KAT6A: variants seen among roughly 807,000 people sequenced by gnomAD.
KAT6A encodes lysine acetyltransferase 6A.
In KAT6A, 9 loss-of-function variants were observed where a neutral mutation model predicts 198.4. The observed-to-expected ratio is 0.05, with a 90% CI of 0.03 to 0.08. The LOEUF (loss-of-function observed/expected upper bound fraction) is 0.08. Ranked by LOEUF, KAT6A falls within the 10% of genes least tolerant of loss-of-function variation. The pLI is 1.00. For synonymous variants in KAT6A, 890 were observed against 883.0 expected (o/e 1.01, Z -0.14); for missense variants, 2,077 against 2,509.9 (o/e 0.83, Z 3.69).
chr8:42,005,070 C>T (rs1006251109), intron 2 of KAT6A, among the ~76,000 whole-genome samples: 2 of 152,094 alleles, frequency 1.3e-5, no homozygotes, highest in African/African-American at 2.4e-5. Flanking sequence ...TACTTCTCAT[C>T]GCCAGTAACA....
At position 41,974,516 on chromosome 8, in the gene KAT6A, A is replaced by G. The variant is rs10441603; in HGVS notation, c.1482+188T>C. On this transcript the variant is annotated intron_variant, in intron 8 of 16. Coordinates refer to ENST00000265713, the MANE Select transcript of KAT6A (RefSeq NM_006766.5). Reference sequence around the variant, plus strand: ...TAGTCAAAGCCATGTGCTTATCTGCAAAACCAAAGCAGTTATCATGGGTTT... The same window carrying G: ...TAGTCAAAGCCATGTGCTTATCTGCGAAACCAAAGCAGTTATCATGGGTTT... 5.8e-3 allele frequency: 2,435 copies of G among 421,424 alleles called. 44 individuals are homozygous for G. Among genetic ancestry groups the G allele is most frequent in the African/African-American group, 0.044 (2,142 of 49,184 alleles). 26.1% of individuals were successfully genotyped at this position (421,424 alleles called of 1,614,324 possible).
intron 9 of KAT6A, among the ~76,000 whole-genome samples, chr8:41,953,482 T>C (rs1336879252): frequency 2.0e-5 from 3 of 152,202 alleles, no homozygotes; most frequent in African/African-American, 7.2e-5. Context: ...ATTTATTTTC[T>C]TTTCTTTTGA....
chr8:41,997,164 G>A (rs1564053526), intron 2 of KAT6A, among the ~76,000 whole-genome samples: 1 of 152,064 alleles, frequency 6.6e-6, no homozygotes, highest in Non-Finnish European at 1.5e-5. Context: ...CACTTAAATA[G>A]TTAAAATGGT....
Position 41,933,676 on chromosome 8 carries a change from T to C in KAT6A, c.4544A>G (p.Glu1515Gly). ...AGAGGGTGCGGACAGGGATCCTTGT[T>C]CTGGGCTGATCTGGGTGTAGCCACT... ...LESGYTQISP[E>G]QGSLSAPSMQ... The change falls in exon 17 of 17, where the codon GAA becomes GGA. Residue 1515 changes from glutamate to glycine, a missense_variant. Physicochemically the swap from Glu to Gly is moderately conservative, Grantham distance 98. Transcript: ENST00000265713. This position sits in a 1 kb window ranked among gnomAD's most constrained non-coding sequence, Gnocchi z 6.2. 6.2e-7 allele frequency: 1 copy of C among 1,614,076 alleles called. No homozygotes were observed. Among genetic ancestry groups the C allele is most frequent in the Non-Finnish European group, 8.5e-7 (1 of 1,180,004 alleles).
intron 16 of KAT6A, among the ~76,000 whole-genome samples, chr8:41,935,157 G>A (rs1448221052): frequency 1.3e-5 from 2 of 152,192 alleles, no homozygotes; most frequent in Non-Finnish European, 2.9e-5. Context: ...CATGTCTGTG[G>A]GAAGTTACTC....
intron 14 of KAT6A, chr8:41,942,501 C>T (rs957911084): frequency 2.1e-5 from 8 of 384,894 alleles, no homozygotes; most frequent in South Asian, 7.2e-5. Context: ...TTCTCAACTA[C>T]TATCCAGCTT....
At position 41,933,508 on chromosome 8, in the gene KAT6A, G is replaced by C; in HGVS notation, c.4712C>G (p.Ser1571Cys). ...ENYENPSSYD[S>C]TMGGSICGNS... ...CCCACAGATGCTGCCGCCCATCGTG[G>C]AGTCGTAACTGCTTGGGTTCTCATA... Residue 1571 changes from serine to cysteine, a missense_variant, in exon 17 of 17, where the codon TCC (serine) becomes TGC (cysteine). By Grantham distance (112) the Ser-to-Cys change is moderately radical. Around this residue, in one of 13 missense-constraint regions of KAT6A, gnomAD observed 500 missense variants for 577.2 expected, o/e 0.87. Transcript: ENST00000265713. This position sits in a 1 kb window ranked among gnomAD's most constrained non-coding sequence, Gnocchi z 6.2. 6.2e-7 allele frequency: 1 copy of C among 1,613,972 alleles called. No homozygotes were observed. Among genetic ancestry groups the C allele is most frequent in the Non-Finnish European group, 8.5e-7 (1 of 1,179,912 alleles).
At chr8:41,967,548 T>C (rs1171585772) in intron 8 of KAT6A, among the ~76,000 whole-genome samples, 1 of 150,410 alleles carries the variant, frequency 6.6e-6, no homozygotes, top group Non-Finnish European at 1.5e-5. Flanking sequence ...TATGCAGTGT[T>C]TGGTTTTTTG....
intron 1 of KAT6A, among the ~76,000 whole-genome samples, chr8:42,050,951 C>A (rs551144342): frequency 1.3e-5 from 2 of 152,258 alleles, no homozygotes; most frequent in South Asian, 4.1e-4. Context: ...TCCTTCCCGT[C>A]CCCATTCCCC....
chr8:41,991,587 C>T (rs150549723), intron 2 of KAT6A, among the ~76,000 whole-genome samples: 52 of 152,092 alleles, frequency 3.4e-4, no homozygotes, highest in Admixed American at 1.0e-3. Flanking sequence ...ATAATCTGTG[C>T]ATTTTCTGTA....
intron 1 of KAT6A, chr8:42,049,624 C>A (rs1802499694): frequency 1.3e-5 from 2 of 152,440 alleles, no homozygotes; most frequent in African/African-American, 4.8e-5. Context: ...GCTCACCAGT[C>A]TAGGAATTTC....
At chr8:42,045,306 A>AT (rs1369754954) in intron 2 of KAT6A, among the ~76,000 whole-genome samples, 1 of 152,232 alleles carries the variant, frequency 6.6e-6, no homozygotes, top group Non-Finnish European at 1.5e-5. Context: ...CATGCCTGTA[A>AT]TGCCAGCACT....
At chr8:41,980,997 A>G (rs906577675) in intron 4 of KAT6A, 70 bp from the exon 5 acceptor site, 1 of 1,053,048 alleles carries the variant, frequency 9.5e-7, no homozygotes, top group Non-Finnish European at 1.5e-6. Context: ...TCATGACTGC[A>G]TAAAACCTAG....
In KAT6A at chr8:41,942,984, G is replaced by A; in HGVS notation, c.2245C>T (p.Arg749Trp). ...FRSDQFVIIR[R>W]EKLIQDHMAK... ...ATGTGATCCTGGATAAGTTTTTCCC[G>A]GCGGATAATCACAAATCTGGAACCA... Residue 749 changes from arginine to tryptophan, a missense_variant, in exon 14 of 17, where the codon CGG becomes TGG. Physicochemically the swap from Arg to Trp is moderately radical, Grantham distance 101. Around this residue, in one of 13 missense-constraint regions of KAT6A, gnomAD observed 127 missense variants for 209.6 expected, o/e 0.61. Transcript: ENST00000265713. 6.2e-7 allele frequency: 1 copy of A among 1,613,952 alleles called. No homozygotes were observed. The highest frequency in any genetic ancestry group is 8.5e-7 in the Non-Finnish European group (1 of 1,179,944).
At chr8:41,975,602 T>C (rs1446122874) in intron 7 of KAT6A, among the ~76,000 whole-genome samples, 3 of 152,158 alleles carry the variant, frequency 2.0e-5, no homozygotes, top group Non-Finnish European at 2.9e-5. Flanking sequence ...GTTGACAACA[T>C]TCTCAAACTG....
chr8:41,952,424 C>T (rs1587734245), intron 9 of KAT6A, among the ~76,000 whole-genome samples: 1 of 152,290 alleles, frequency 6.6e-6, no homozygotes, highest in South Asian at 2.1e-4. Flanking sequence ...ATGTCATGCT[C>T]TTAATGGCAG....
intron 2 of KAT6A, among the ~76,000 whole-genome samples, chr8:42,023,582 G>A (rs1312209521): frequency 6.6e-6 from 1 of 151,530 alleles, no homozygotes; most frequent in Non-Finnish European, 1.5e-5. Context: ...CAACCTTCCA[G>A]GCTCAAGTGA....
At chr8:42,000,807 T>G (rs1825460710) in intron 2 of KAT6A, among the ~76,000 whole-genome samples, 1 of 152,166 alleles carries the variant, frequency 6.6e-6, no homozygotes, top group African/African-American at 2.4e-5. Context: ...GAAAGGGATC[T>G]GCAAAAATCA....
intron 2 of KAT6A, among the ~76,000 whole-genome samples, chr8:42,047,875 A>G (rs1034726843): frequency 6.6e-6 from 1 of 152,112 alleles, no homozygotes; most frequent in African/African-American, 2.4e-5. Flanking sequence ...AGTTGCGCCT[A>G]TGGGTCATGA....
Sources: allele counts gnomAD v4.1 joint callset (sites outside exome capture counted in the v4.1 genomes callset), GRCh38; gene constraint gnomAD v4.1.1; regional missense constraint gnomAD v4.1.1; non-coding constraint Gnocchi (gnomAD v3.1); transcripts MANE v1.5; gene names NCBI Gene and HGNC (gene_info 2026-07-23, HGNC 2026-07-21).